The following TBC1D32 variants were observed in gnomAD, a reference collection of about 807,000 sequenced individuals.
The protein encoded by TBC1D32 is protein broad-minded.
In TBC1D32, 151 loss-of-function variants were observed where a neutral mutation model predicts 170.3. That is an observed-to-expected ratio of 0.89 (90% confidence interval 0.78 to 1.01). TBC1D32 has a LOEUF of 1.01. Ranked by LOEUF, TBC1D32 falls within the 50% of genes least tolerant of loss-of-function variation. The pLI, the probability that TBC1D32 is intolerant of heterozygous loss-of-function variation, is 0.00. For missense variants in TBC1D32, 1,464 were observed against 1,457.1 expected, an observed-to-expected ratio of 1.00 and a Z score of -0.08; for synonymous variants, 498 against 488.0, an observed-to-expected ratio of 1.02 and a Z score of -0.27.
chr6:121,084,220 CATTT>C (rs1293712324), intron 31 of TBC1D32, among the ~76,000 whole-genome samples: 3 of 151,984 alleles, frequency 2.0e-5, no homozygotes, highest in Non-Finnish European at 4.4e-5. Flanking sequence ...TGTATTTGTT[CATTT>C]ATTTGCCTTC....
At chr6:121,089,859 T>C (rs1776627652) in intron 31 of TBC1D32, among the ~76,000 whole-genome samples, 1 of 152,166 alleles carries the variant, frequency 6.6e-6, no homozygotes, top group Non-Finnish European at 1.5e-5. Context: ...ATGTTGTTTT[T>C]AGTGTATACG....
intron 9 of TBC1D32, among the ~76,000 whole-genome samples, chr6:121,299,762 C>T (rs1298088679): frequency 2.0e-5 from 3 of 152,086 alleles, no homozygotes; most frequent in African/African-American, 7.2e-5. Context: ...CGATTGTGTC[C>T]AATTTCCATG....
In TBC1D32 at chr6:121,328,527, A is replaced by C. The variant is rs1297774836; in HGVS notation, c.155+5749T>G. Among the ~76,000 whole-genome samples, 3 of 151,038 alleles carry C rather than the reference A, an allele frequency of 2.0e-5. No individual in the cohort carries two copies. The East Asian group carries it at 5.8e-4, about 29-fold the overall frequency. ...TCTCGATCTCCTGACCTCGTGATCC[A>C]CTCGCCTCGGCCTCCCAAAGTGTTG... On this transcript the variant is annotated intron_variant, in intron 1 of 31. Coordinates refer to ENST00000398212, the MANE Select transcript of TBC1D32 (RefSeq NM_152730.6).
At chr6:121,195,869 C>T (rs1262277948) in intron 22 of TBC1D32, among the ~76,000 whole-genome samples, 2 of 152,264 alleles carry the variant, frequency 1.3e-5, no homozygotes, top group East Asian at 1.9e-4. Context: ...GGCAGAACTT[C>T]GAGCAGTGCA....
chr6:121,208,516 A>G (rs1286064862), intron 21 of TBC1D32, among the ~76,000 whole-genome samples: 1 of 152,010 alleles, frequency 6.6e-6, no homozygotes, highest in African/African-American at 2.4e-5. Context: ...CCCATGACAC[A>G]TGGGGATTAC....
intron 14 of TBC1D32, among the ~76,000 whole-genome samples, chr6:121,280,846 C>A (rs1407695266): frequency 6.6e-6 from 1 of 151,712 alleles, no homozygotes; most frequent in East Asian, 1.9e-4. Context: ...AGTAAAAACA[C>A]CTCAAAATAG....
At chr6:121,325,762 A>G (rs978830112) in intron 1 of TBC1D32, among the ~76,000 whole-genome samples, 1 of 152,254 alleles carries the variant, frequency 6.6e-6, no homozygotes, top group African/African-American at 2.4e-5. Context: ...ACAAAAGTCA[A>G]AATTGACAAA....
intron 22 of TBC1D32, among the ~76,000 whole-genome samples, chr6:121,188,723 T>C (rs943373790): frequency 6.6e-6 from 1 of 152,206 alleles, no homozygotes; most frequent in African/African-American, 2.4e-5. Context: ...CTCTTCATTC[T>C]TAAAAACCTT....
intron 16 of TBC1D32, among the ~76,000 whole-genome samples, chr6:121,255,837 C>T (rs140412125): frequency 2.0e-5 from 3 of 152,142 alleles, no homozygotes; most frequent in Non-Finnish European, 4.4e-5. Flanking sequence ...AACCTAAAGC[C>T]TCATCTACGA....
Position 121,080,496 on chromosome 6 carries a change from G to A in TBC1D32, c.*275C>T, listed in dbSNP as rs929544348. 4.7e-5 allele frequency: 13 copies of A among 279,184 alleles called. No homozygotes were observed. The highest frequency in any genetic ancestry group is 3.0e-4 in the Admixed American group (6 of 19,886). 17.3% of individuals were successfully genotyped at this position (279,184 alleles called of 1,614,324 possible). The stretch of plus-strand genomic sequence containing the variant: ...CCCAAAGTGCTGGGATTACAGGCAT[G>A]AGCCACCGCGCCTGGCCAGGACTAA... On this transcript the variant is annotated 3_prime_UTR_variant, in exon 32 of 32. Coordinates refer to ENST00000398212, the MANE Select transcript of TBC1D32 (RefSeq NM_152730.6).
At chr6:121,265,793 T>C (rs149550460) in intron 15 of TBC1D32, among the ~76,000 whole-genome samples, 4,988 of 152,164 alleles carry the variant, frequency 0.033, 192 homozygotes, top group East Asian at 0.12. Flanking sequence ...ATTTGATCTT[T>C]GACAAACCTA....
intron 12 of TBC1D32, among the ~76,000 whole-genome samples, chr6:121,284,656 G>A (rs779656270): frequency 6.6e-6 from 1 of 152,132 alleles, no homozygotes; most frequent in African/African-American, 2.4e-5. Flanking sequence ...AAACTTAAAG[G>A]TGAAAGTTGA....
At chr6:121,247,443 A>G (rs1797749365) in intron 17 of TBC1D32, among the ~76,000 whole-genome samples, 1 of 151,906 alleles carries the variant, frequency 6.6e-6, no homozygotes. Flanking sequence ...AAAAACTAAC[A>G]TGATGAATAA....
At chr6:121,094,640 T>C (rs954851416) in intron 30 of TBC1D32, among the ~76,000 whole-genome samples, 16 of 152,178 alleles carry the variant, frequency 1.1e-4, no homozygotes, top group African/African-American at 3.9e-4. Flanking sequence ...ACTAGACAAT[T>C]TCAAATTTTG....
intron 21 of TBC1D32, among the ~76,000 whole-genome samples, chr6:121,206,644 A>T (rs1792315413): frequency 6.6e-6 from 1 of 152,230 alleles, no homozygotes; most frequent in Admixed American, 6.5e-5. Context: ...CCCAACATAT[A>T]AGAATATATT....
At chr6:121,177,893 A>G (rs1787987830) in intron 22 of TBC1D32, among the ~76,000 whole-genome samples, 1 of 152,192 alleles carries the variant, frequency 6.6e-6, no homozygotes, top group Non-Finnish European at 1.5e-5. Flanking sequence ...AGATGAGGTC[A>G]AAACAATACT....
At chr6:121,173,508 A>G (rs79500065) in intron 22 of TBC1D32, among the ~76,000 whole-genome samples, 2,263 of 152,240 alleles carry the variant, frequency 0.015, 40 homozygotes, top group African/African-American at 0.044. Context: ...AAAAATGAGG[A>G]GTATAACCCA....
At chr6:121,294,905 T>C (rs910534993) in intron 10 of TBC1D32, among the ~76,000 whole-genome samples, 3 of 152,166 alleles carry the variant, frequency 2.0e-5, no homozygotes, top group Non-Finnish European at 2.9e-5. Flanking sequence ...GTTGGTGTCA[T>C]TGGACAGAAA....
intron 15 of TBC1D32, among the ~76,000 whole-genome samples, chr6:121,263,478 C>T (rs1800042360): frequency 6.6e-6 from 1 of 152,102 alleles, no homozygotes; most frequent in Admixed American, 6.5e-5. Flanking sequence ...TAGACTACCA[C>T]ACAATAATAG....
Sources: gnomAD v4.1 joint callset for allele counts (sites outside exome capture counted in the v4.1 genomes callset) on GRCh38, gnomAD v4.1.1 for gene constraint, MANE v1.5 for transcripts, NCBI Gene and HGNC (gene_info 2026-07-23, HGNC 2026-07-21) for gene names.